ATP11C: variants seen among roughly 807,000 people sequenced by gnomAD.
ATP11C encodes ATPase phospholipid transporting 11C (ATP11C blood group).
Under a neutral mutation model 97.4 loss-of-function variants are expected in ATP11C, and 36 were observed. The ratio of observed to expected loss-of-function variants is 0.37; its 90% CI spans 0.28 to 0.49. The LOEUF (loss-of-function observed/expected upper bound fraction) is 0.49. Ranked by LOEUF, ATP11C falls within the 20% of genes least tolerant of loss-of-function variation. ATP11C has a pLI of 0.98. For synonymous variants in ATP11C, 275 were observed against 290.9 expected (o/e 0.95, Z 0.56); for missense variants, 730 against 824.6 (o/e 0.89, Z 1.40).
intron 28 of ATP11C, among the ~76,000 whole-genome samples, chrX:139,734,948 G>A (rs773246144): frequency 9.0e-6 from 1 of 111,535 alleles, no homozygotes; most frequent in Non-Finnish European, 1.9e-5. Context: ...CCATACTAGC[G>A]ATTTTACTGG....
chrX:139,860,552 T>C (rs2084170794), intron 1 of ATP11C, among the ~76,000 whole-genome samples: 1 of 112,011 alleles, frequency 8.9e-6, no homozygotes, highest in Non-Finnish European at 1.9e-5. Flanking sequence ...GTGCAGTGGC[T>C]CACACCTGTA....
upstream of ATP11C, among the ~76,000 whole-genome samples, chrX:139,936,618 G>A (rs1174958501): frequency 9.0e-6 from 1 of 111,499 alleles, no homozygotes; most frequent in Non-Finnish European, 1.9e-5. Flanking sequence ...GAGAAGGGAA[G>A]GAGTGCTTTC....
chrX:139,823,976 C>T (rs916324777), intron 2 of ATP11C, among the ~76,000 whole-genome samples: 4 of 109,111 alleles, frequency 3.7e-5, no homozygotes, highest in Non-Finnish European at 3.8e-5. Context: ...AAATCAACTC[C>T]ATTAAAAGCT....
chrX:139,910,919 G>C (rs762633230), intron 1 of ATP11C, among the ~76,000 whole-genome samples: 10 of 111,634 alleles, frequency 9.0e-5, no homozygotes, highest in Non-Finnish European at 1.5e-4. Flanking sequence ...CAGTGTCAAA[G>C]AGTAAGAGAC....
intron 24 of ATP11C, 150 bp from the exon 25 acceptor site, chrX:139,746,007 GA>G: frequency 3.7e-6 from 2 of 537,859 alleles, no homozygotes; most frequent in Non-Finnish European, 5.7e-6. Context: ...GGGTCAGACT[GA>G]GCCAAAGGCT....
intron 22 of ATP11C, 149 bp from the exon 23 acceptor site, chrX:139,758,016 G>A (rs1464400150): frequency 1.3e-5 from 5 of 386,192 alleles, no homozygotes; most frequent in Non-Finnish European, 2.2e-5. Flanking sequence ...ACAGACATAA[G>A]GAAACAACTA....
intron 5 of ATP11C, among the ~76,000 whole-genome samples, chrX:139,805,291 C>G (rs1371628167): frequency 1.8e-5 from 2 of 111,542 alleles, no homozygotes; most frequent in Non-Finnish European, 3.8e-5. Context: ...TTAAGTAAAT[C>G]ATAACCATTA....
intron 2 of ATP11C, among the ~76,000 whole-genome samples, chrX:139,824,157 A>T (rs1017108450): frequency 3.2e-4 from 35 of 108,838 alleles, no homozygotes; most frequent in Non-Finnish European, 3.4e-4. Flanking sequence ...TTAATTTTTT[A>T]AAAAAAACCT....
intron 1 of ATP11C, among the ~76,000 whole-genome samples, chrX:139,919,876 G>A (rs757057230): frequency 4.7e-4 from 52 of 111,071 alleles, no homozygotes; most frequent in African/African-American, 1.5e-3. Flanking sequence ...CCATGATGGC[G>A]CCACTGCACT....
chrX:139,928,623 A>C (rs2085389003), intron 1 of ATP11C, among the ~76,000 whole-genome samples: 1 of 111,789 alleles, frequency 8.9e-6, no homozygotes, highest in Non-Finnish European at 1.9e-5. Context: ...TTTTAGTCTT[A>C]TTTTAAATTT....
Position 139,785,196 on chromosome X carries a change from G to C in ATP11C, c.1666+30C>G, listed in dbSNP as rs747683534. ...ACCAATAAGCCTACAAATCAACAAA[G>C]AGAAAAATTCAAGCTTTTCAGACAT... On this transcript the variant is annotated intron_variant, in intron 16 of 29. Transcript: ENST00000682941. 7.2e-6 allele frequency: 8 copies of C among 1,114,110 alleles called. No homozygotes were observed. In the Admixed American group the frequency reaches 7.5e-5, roughly 10 times the overall value. 91.8% of individuals were successfully genotyped at this position (1,114,110 alleles called of 1,213,427 possible). A position where few individuals can be genotyped will look rare whatever the true frequency, so the allele number is the denominator to read the frequency against.
rs761493495 is a variant in ATP11C at position 139,883,066 on chromosome X, G to T, written c.27+48950C>A. Among the ~76,000 whole-genome samples the T allele has an allele frequency of 3.6e-5, 4 of 111,834 alleles. No individual in the cohort carries two copies. In the South Asian group the frequency reaches 1.5e-3, roughly 42 times the overall value. On this transcript the variant is annotated intron_variant, in intron 1 of 29. Coordinates refer to ENST00000682941, the MANE Select transcript of ATP11C (RefSeq NM_001353812.2). The stretch of plus-strand genomic sequence containing the variant: ...TGTTCTGCTAGCAGAACGAAGGGTG[G>T]ACAGGGCAAAGCAGAAATTGGAAGC...
At chrX:139,809,549 T>C (rs1294026700) in intron 5 of ATP11C, among the ~76,000 whole-genome samples, 1 of 112,370 alleles carries the variant, frequency 8.9e-6, no homozygotes, top group Non-Finnish European at 1.9e-5. Context: ...TACTGTTTAA[T>C]GAATAGAGCT....
chrX:139,750,639 A>G (rs2081793286), intron 23 of ATP11C, among the ~76,000 whole-genome samples: 1 of 111,822 alleles, frequency 8.9e-6, no homozygotes, highest in Non-Finnish European at 1.9e-5. Context: ...CTTCCTGAGA[A>G]GTCCCACAGT....
At chrX:139,914,180 G>C (rs1211945093) in intron 1 of ATP11C, among the ~76,000 whole-genome samples, 1 of 112,014 alleles carries the variant, frequency 8.9e-6, no homozygotes, top group Non-Finnish European at 1.9e-5. Context: ...CCATATTTCT[G>C]AATTCTCAAT....
intron 1 of ATP11C, among the ~76,000 whole-genome samples, chrX:139,836,873 C>G (rs1386435977): frequency 9.0e-6 from 1 of 111,485 alleles, no homozygotes; most frequent in African/African-American, 3.3e-5. Flanking sequence ...TCCCAGCAAC[C>G]AAGGTACAAA....
intron 5 of ATP11C, among the ~76,000 whole-genome samples, chrX:139,809,650 T>G (rs1470032343): frequency 1.8e-5 from 2 of 112,173 alleles, no homozygotes; most frequent in Non-Finnish European, 3.8e-5. Context: ...AATTGTACAC[T>G]TAAAAATGGT....
intron 6 of ATP11C, among the ~76,000 whole-genome samples, chrX:139,803,028 G>A (rs763728467): frequency 3.6e-5 from 4 of 111,787 alleles, no homozygotes; most frequent in African/African-American, 9.7e-5. Context: ...CTCAAAGAGC[G>A]CACCACTTAG....
At chrX:139,890,206 T>C (rs2084706332) in intron 1 of ATP11C, among the ~76,000 whole-genome samples, 1 of 110,901 alleles carries the variant, frequency 9.0e-6, no homozygotes, top group African/African-American at 3.3e-5. Flanking sequence ...TAAGCCAGTG[T>C]GCATGGTTCT....
Sources: gnomAD v4.1 joint callset for allele counts (sites outside exome capture counted in the v4.1 genomes callset) on GRCh38, gnomAD v4.1.1 for gene constraint, MANE v1.5 for transcripts, NCBI Gene and HGNC (gene_info 2026-07-23, HGNC 2026-07-21) for gene names.